The following ARHGAP24 variants were observed in gnomAD, a reference collection of about 807,000 sequenced individuals.
The protein encoded by ARHGAP24 is Rho GTPase activating protein 24.
ARHGAP24 carries 50 observed loss-of-function variants against 76.4 expected under a neutral mutation model. The ratio of observed to expected loss-of-function variants is 0.65; its 90% CI spans 0.52 to 0.83. ARHGAP24 has a LOEUF of 0.83. Ranked by LOEUF, ARHGAP24 falls within the 40% of genes least tolerant of loss-of-function variation. ARHGAP24 has a pLI of 0.00. For missense variants in ARHGAP24, 930 were observed against 914.2 expected (o/e 1.02, Z -0.22); for synonymous variants, 345 against 323.3 (o/e 1.07, Z -0.72).
intron 8 of ARHGAP24, among the ~76,000 whole-genome samples, chr4:85,981,640 T>C (rs978090770): frequency 3.9e-5 from 6 of 152,138 alleles, no homozygotes; most frequent in South Asian, 2.1e-4. Flanking sequence ...TTTATTGCCT[T>C]GTTGATTTTC....
intron 1 of ARHGAP24, among the ~76,000 whole-genome samples, chr4:85,526,443 G>A (rs972239709): frequency 6.6e-6 from 1 of 151,028 alleles, no homozygotes; most frequent in African/African-American, 2.4e-5. Context: ...CTTCAATAGA[G>A]CTTTCTTAAA....
At chr4:85,950,036 G>A (rs564185607) in intron 5 of ARHGAP24, among the ~76,000 whole-genome samples, 7 of 152,184 alleles carry the variant, frequency 4.6e-5, no homozygotes, top group African/African-American at 7.2e-5. Context: ...GGAGATACCC[G>A]TCTCCTTCTT....
intron 2 of ARHGAP24, among the ~76,000 whole-genome samples, chr4:85,577,071 T>C (rs1007849452): frequency 6.6e-6 from 1 of 151,664 alleles, no homozygotes; most frequent in Admixed American, 6.6e-5. Context: ...TTTTTATAAA[T>C]TAATATGAGA....
intron 1 of ARHGAP24, among the ~76,000 whole-genome samples, chr4:85,488,597 G>A (rs1723240529): frequency 6.6e-6 from 1 of 152,118 alleles, no homozygotes; most frequent in Non-Finnish European, 1.5e-5. Context: ...CCCAGGACAC[G>A]TGAGGAACAA....
intron 1 of ARHGAP24, among the ~76,000 whole-genome samples, chr4:85,506,033 G>T (rs896950022): frequency 6.6e-6 from 1 of 152,136 alleles, no homozygotes; most frequent in African/African-American, 2.4e-5. Flanking sequence ...GACCCTGTTT[G>T]CCTGGGTATC....
chr4:85,686,859 T>C (rs1723442564), intron 2 of ARHGAP24, among the ~76,000 whole-genome samples: 1 of 148,386 alleles, frequency 6.7e-6, no homozygotes, highest in Non-Finnish European at 1.5e-5. Flanking sequence ...TCTTCTCTGC[T>C]TGTAAATTTG....
At chr4:85,812,207 A>C (rs1207814726) in intron 3 of ARHGAP24, among the ~76,000 whole-genome samples, 2 of 151,884 alleles carry the variant, frequency 1.3e-5, no homozygotes, top group South Asian at 2.1e-4. Context: ...AATAAAAAAT[A>C]AATGTGTTTT....
chr4:85,976,861 C>T (rs1260650358), intron 7 of ARHGAP24, among the ~76,000 whole-genome samples: 1 of 149,824 alleles, frequency 6.7e-6, no homozygotes, highest in Non-Finnish European at 1.5e-5. Context: ...TGGCTCACTG[C>T]AACCTCCGCC....
In ARHGAP24 at chr4:85,931,091, A is replaced by T. The variant is rs758623399; in HGVS notation, c.391+7321A>T. Reference sequence around the variant, plus strand: ...CCTTTTTATAAATATAAATAATATTATCTTAGGCTTTAAGGTCTGTTTATG... The same window carrying T: ...CCTTTTTATAAATATAAATAATATTTTCTTAGGCTTTAAGGTCTGTTTATG... On this transcript the variant is annotated intron_variant, in intron 4 of 9. Coordinates refer to ENST00000395184, the MANE Select transcript of ARHGAP24 (RefSeq NM_001025616.3). 9.1e-6 allele frequency: 14 copies of T among 1,537,768 alleles called. No individual in the cohort carries two copies. The East Asian group carries it at 3.2e-4, about 35-fold the overall frequency.
chr4:85,618,077 A>C (rs1268728723), intron 2 of ARHGAP24, among the ~76,000 whole-genome samples: 1 of 152,308 alleles, frequency 6.6e-6, no homozygotes, highest in Middle Eastern at 3.4e-3. Flanking sequence ...CATGTTGTAC[A>C]TTAAATCTCC....
intron 3 of ARHGAP24, among the ~76,000 whole-genome samples, chr4:85,792,725 A>G (rs551115313): frequency 6.6e-6 from 1 of 152,274 alleles, no homozygotes; most frequent in African/African-American, 2.4e-5. Context: ...ATATCTGATC[A>G]CAAAGATCCA....
intron 3 of ARHGAP24, among the ~76,000 whole-genome samples, chr4:85,743,562 T>G (rs1432590242): frequency 1.3e-5 from 2 of 151,802 alleles, no homozygotes; most frequent in African/African-American, 4.8e-5. Context: ...GGCGAGATCC[T>G]GTCTCAAAAA....
In ARHGAP24 at chr4:85,855,523, A is replaced by T. The variant is rs536738296; in HGVS notation, c.269-68125A>T. On this transcript the variant is annotated intron_variant, in intron 3 of 9. Transcript: ENST00000395184. ...GGAGTTCGAGACCAGCCTGACCAAC[A>T]TGGTGAAACCCTGTCTCTACTAAAG... 1.2e-4 allele frequency among the ~76,000 whole-genome samples: 19 copies of T among 152,166 alleles called. No homozygotes were observed. In the East Asian group the frequency reaches 3.7e-3, roughly 30 times the overall value.
Position 85,869,884 on chromosome 4 carries a change from G to C in ARHGAP24, c.269-53764G>C, listed in dbSNP as rs189263787. ...TGGAGGTCAGCTTATTATACATATG[G>C]CTTGAAGGTGAGGAGCTTGGGCTAT... On this transcript the variant is annotated intron_variant, in intron 3 of 9. Coordinates refer to ENST00000395184, the MANE Select transcript of ARHGAP24 (RefSeq NM_001025616.3). Among the ~76,000 whole-genome samples, 123 of 152,206 alleles carry C rather than the reference G, an allele frequency of 8.1e-4. 1 individual carries two copies. Among genetic ancestry groups the C allele is most frequent in the Admixed American group, 6.9e-3 (106 of 15,262 alleles).
chr4:85,678,769 G>T (rs912175883), intron 2 of ARHGAP24, among the ~76,000 whole-genome samples: 2 of 152,112 alleles, frequency 1.3e-5, no homozygotes, highest in African/African-American at 4.8e-5. Context: ...ATTCAAACAA[G>T]TCTTAGTCAT....
At chr4:85,525,078 T>C (rs1724927239) in intron 1 of ARHGAP24, among the ~76,000 whole-genome samples, 1 of 152,158 alleles carries the variant, frequency 6.6e-6, no homozygotes, top group African/African-American at 2.4e-5. Flanking sequence ...GAGTCCAACA[T>C]AGTTTAGTTG....
At chr4:85,933,222 C>CT (rs1736449480) in intron 4 of ARHGAP24, among the ~76,000 whole-genome samples, 1 of 151,992 alleles carries the variant, frequency 6.6e-6, no homozygotes, top group African/African-American at 2.4e-5. Context: ...GGAAAAATGC[C>CT]TAGAGGTAAA....
chr4:85,878,968 A>G (rs557143131), intron 3 of ARHGAP24, among the ~76,000 whole-genome samples: 4 of 152,330 alleles, frequency 2.6e-5, no homozygotes, highest in African/African-American at 9.6e-5. Flanking sequence ...ACGGGAGTCA[A>G]TCTCCACTGA....
chr4:85,564,384 G>A (rs1351596478), intron 1 of ARHGAP24, among the ~76,000 whole-genome samples: 3 of 148,320 alleles, frequency 2.0e-5, no homozygotes, highest in Admixed American at 2.0e-4. Context: ...CACACACCGG[G>A]GCCTGTTGTG....
Sources: gnomAD v4.1 joint callset for allele counts (sites outside exome capture counted in the v4.1 genomes callset) on GRCh38, gnomAD v4.1.1 for gene constraint, MANE v1.5 for transcripts, NCBI Gene and HGNC (gene_info 2026-07-23, HGNC 2026-07-21) for gene names.